MED27: variants seen among roughly 807,000 people sequenced by gnomAD.
MED27 encodes the protein mediator complex subunit 27.
In MED27, 30 loss-of-function variants were observed where a neutral mutation model predicts 38.2. The ratio of observed to expected loss-of-function variants is 0.79; its 90% CI spans 0.59 to 1.07. MED27 has a LOEUF of 1.07. Ranked by LOEUF, MED27 falls within the 50% of genes least tolerant of loss-of-function variation. The pLI is 0.00. For missense variants in MED27, 289 were observed against 397.5 expected (o/e 0.73, Z 2.32); for synonymous variants, 122 against 153.5 (o/e 0.79, Z 1.52).
intron 2 of MED27, among the ~76,000 whole-genome samples, chr9:132,053,620 G>A (rs1186512678): frequency 6.6e-6 from 1 of 152,178 alleles, no homozygotes. Flanking sequence ...CATGCCTGGA[G>A]TCACACCGCT....
chr9:131,996,939 T>C (rs750891714), intron 3 of MED27, among the ~76,000 whole-genome samples: 21 of 152,222 alleles, frequency 1.4e-4, no homozygotes, highest in Non-Finnish European at 2.6e-4. Flanking sequence ...CTACAAAATA[T>C]GTGTTAATCA....
intron 4 of MED27, among the ~76,000 whole-genome samples, chr9:131,918,270 G>C (rs1830329096): frequency 1.3e-5 from 2 of 152,188 alleles, no homozygotes; most frequent in Non-Finnish European, 2.9e-5. Context: ...TTTTGAAAAA[G>C]GGGGACAATC....
chr9:131,912,690 C>A (rs147131317), intron 4 of MED27, among the ~76,000 whole-genome samples: 1 of 152,322 alleles, frequency 6.6e-6, no homozygotes, highest in African/African-American at 2.4e-5. Context: ...CAAGAACTTT[C>A]AAAGATCCAC....
chr9:131,926,192 G>A (rs547899906), intron 4 of MED27, among the ~76,000 whole-genome samples: 5 of 152,240 alleles, frequency 3.3e-5, no homozygotes, highest in African/African-American at 1.2e-4. Flanking sequence ...GGCTCCGTGA[G>A]GGCAAAAACT....
rs976141366 is a variant in MED27 at position 131,990,801 on chromosome 9, G to A, written c.479+23536C>T. Among the ~76,000 whole-genome samples, 3 of 152,156 alleles carry A rather than the reference G, an allele frequency of 2.0e-5. No individual in the cohort carries two copies. The South Asian group carries it at 6.2e-4, about 31-fold the overall frequency. On this transcript the variant is annotated intron_variant, in intron 3 of 7. Coordinates refer to ENST00000292035, the MANE Select transcript of MED27 (RefSeq NM_004269.4). ...TGCACCTCCTGGAGGACTGCGGCTC[G>A]CAATAATCCCATGGCCCACCTCTAT... is the stretch of plus-strand genomic sequence containing the variant.
At chr9:132,064,790 T>C (rs904068475) in intron 2 of MED27, among the ~76,000 whole-genome samples, 1 of 152,230 alleles carries the variant, frequency 6.6e-6, no homozygotes, top group African/African-American at 2.4e-5. Flanking sequence ...TTGGATAAGT[T>C]ACATTTGCCA....
intron 3 of MED27, among the ~76,000 whole-genome samples, chr9:131,947,690 A>C (rs1830911033): frequency 6.6e-6 from 1 of 151,786 alleles, no homozygotes; most frequent in Non-Finnish European, 1.5e-5. Flanking sequence ...GAAAAAAAAA[A>C]CACACACACA....
chr9:131,932,879 C>G (rs1194677890), intron 4 of MED27, among the ~76,000 whole-genome samples: 1 of 152,090 alleles, frequency 6.6e-6, no homozygotes, highest in Non-Finnish European at 1.5e-5. Context: ...CAAATACTAT[C>G]AAACTGAATT....
At chr9:131,996,194 G>C (rs1177424689) in intron 3 of MED27, among the ~76,000 whole-genome samples, 1 of 152,190 alleles carries the variant, frequency 6.6e-6, no homozygotes, top group Non-Finnish European at 1.5e-5. Context: ...AAGAAGCAGG[G>C]GCTGCTGTTA....
chr9:132,026,990 T>C (rs1254657941), intron 2 of MED27, among the ~76,000 whole-genome samples: 4 of 152,242 alleles, frequency 2.6e-5, no homozygotes, highest in African/African-American at 7.2e-5. Context: ...GCCCCTGCTC[T>C]GTAACCACTA....
chr9:132,048,070 G>A (rs954920595), intron 2 of MED27, among the ~76,000 whole-genome samples: 4 of 152,180 alleles, frequency 2.6e-5, no homozygotes, highest in Non-Finnish European at 5.9e-5. Context: ...TGGTTAGGTG[G>A]TGAGATTATA....
At chr9:131,951,342 C>T (rs944833228) in intron 3 of MED27, among the ~76,000 whole-genome samples, 30 of 152,208 alleles carry the variant, frequency 2.0e-4, no homozygotes, top group African/African-American at 6.8e-4. Context: ...GTTTACCTTG[C>T]CCACTAGACT....
chr9:132,017,696 T>C (rs1229200759), intron 2 of MED27, among the ~76,000 whole-genome samples: 1 of 152,252 alleles, frequency 6.6e-6, no homozygotes, highest in African/African-American at 2.4e-5. Flanking sequence ...CAGTGTTCTC[T>C]GGATTTTTTA....
intron 4 of MED27, among the ~76,000 whole-genome samples, chr9:131,909,465 G>A (rs1336652305): frequency 6.6e-6 from 1 of 152,200 alleles, no homozygotes; most frequent in Non-Finnish European, 1.5e-5. Context: ...AAAGTGGTGG[G>A]CCCCTGGACT....
At chr9:131,947,737 G>A (rs1196249995) in intron 3 of MED27, among the ~76,000 whole-genome samples, 2 of 151,516 alleles carry the variant, frequency 1.3e-5, no homozygotes, top group Non-Finnish European at 2.9e-5. Flanking sequence ...TCCCATGTTA[G>A]TGTGATGCTT....
At chr9:131,892,373 T>A (rs766703771) in intron 5 of MED27, among the ~76,000 whole-genome samples, 1 of 152,202 alleles carries the variant, frequency 6.6e-6, no homozygotes, top group Non-Finnish European at 1.5e-5. Flanking sequence ...GTGTACTACT[T>A]CAGACACTTT....
intron 2 of MED27, among the ~76,000 whole-genome samples, chr9:132,018,915 T>A (rs909949377): frequency 1.3e-5 from 2 of 152,216 alleles, no homozygotes; most frequent in Non-Finnish European, 2.9e-5. Context: ...CACTTTATTT[T>A]TTTTTTAAAT....
At chr9:131,876,133 C>T (rs1015299134) in intron 6 of MED27, among the ~76,000 whole-genome samples, 2 of 152,230 alleles carry the variant, frequency 1.3e-5, no homozygotes, top group Non-Finnish European at 2.9e-5. Flanking sequence ...ATGGAGTTTA[C>T]AGCCCTATGG....
intron 1 of MED27, among the ~76,000 whole-genome samples, chr9:132,078,540 G>A (rs1834106604): frequency 2.0e-5 from 3 of 152,124 alleles, no homozygotes; most frequent in Non-Finnish European, 4.4e-5. Context: ...GCGGATGTGG[G>A]CGTTGAGGAG....
Sources: gnomAD v4.1 joint callset for allele counts (sites outside exome capture counted in the v4.1 genomes callset) on GRCh38, gnomAD v4.1.1 for gene constraint, MANE v1.5 for transcripts, NCBI Gene and HGNC (gene_info 2026-07-23, HGNC 2026-07-21) for gene names.